XXYLT1: variants seen among roughly 807,000 people sequenced by gnomAD.
The protein encoded by XXYLT1 is xyloside xylosyltransferase 1, also known as UDP-xylose:alpha-xyloside alpha-1,3-xylosyltransferase.
In XXYLT1, 20 loss-of-function variants were observed where a neutral mutation model predicts 28.9. The observed-to-expected ratio is 0.69, with a 90% confidence interval of 0.49 to 1.00. The LOEUF is 1.00. Among genes scored for constraint, XXYLT1 ranks in the 50% least tolerant of loss-of-function variants. The pLI, the probability that XXYLT1 is intolerant of heterozygous loss-of-function variation, is 0.00. For synonymous variants in XXYLT1, 257 were observed against 253.8 expected, an observed-to-expected ratio of 1.01 and a Z score of -0.12; for missense variants, 542 against 560.1, an observed-to-expected ratio of 0.97 and a Z score of 0.33.
chr3:195,123,358 T>C (rs1718462457), intron 3 of XXYLT1, among the ~76,000 whole-genome samples: 1 of 152,128 alleles, frequency 6.6e-6, no homozygotes, highest in African/African-American at 2.4e-5. Context: ...CCCCCTCTCC[T>C]GGCCGGCTGA....
intron 3 of XXYLT1, among the ~76,000 whole-genome samples, chr3:195,141,095 G>A (rs1719465123): frequency 6.6e-6 from 1 of 152,162 alleles, no homozygotes; most frequent in African/African-American, 2.4e-5. Flanking sequence ...CCAGCACCTT[G>A]ATCTTGGACT....
At position 195,244,781 on chromosome 3, in the gene XXYLT1, A is replaced by AAC. The variant is rs1374378838; in HGVS notation, c.505-17926_505-17925insGT. ...TGTCTCAAAAAAAAAAAAAAAAAAA[A>AAC]AAACATGTTTCATTTAAAAATTTTT... On this transcript the variant is annotated intron_variant, in intron 1 of 3. Coordinates refer to ENST00000310380, the MANE Select transcript of XXYLT1 (RefSeq NM_152531.5). 2.7e-5 allele frequency among the ~76,000 whole-genome samples: 4 copies of AAC among 150,728 alleles called. No individual in the cohort carries two copies. The East Asian group carries it at 7.9e-4, about 30-fold the overall frequency.
intron 3 of XXYLT1, among the ~76,000 whole-genome samples, chr3:195,099,353 G>A (rs536099916): frequency 3.9e-5 from 6 of 152,296 alleles, no homozygotes; most frequent in African/African-American, 4.8e-5. Context: ...TGACCACAGA[G>A]AGACATATTT....
chr3:195,109,667 GGTGT>G (rs566040303), intron 3 of XXYLT1, among the ~76,000 whole-genome samples: 1 of 128,634 alleles, frequency 7.8e-6, no homozygotes, highest in Non-Finnish European at 1.7e-5. Context: ...GCGTGTGTGT[GGTGT>G]GTGTGTTGTA....
intron 3 of XXYLT1, among the ~76,000 whole-genome samples, chr3:195,097,282 C>G (rs774901143): frequency 6.6e-6 from 1 of 152,166 alleles, no homozygotes. Context: ...CTGTAGCTGA[C>G]ATTTACTAAA....
intron 1 of XXYLT1, among the ~76,000 whole-genome samples, chr3:195,239,331 C>T (rs1037460096): frequency 5.9e-5 from 9 of 152,056 alleles, no homozygotes; most frequent in African/African-American, 1.9e-4. Flanking sequence ...CCTGGCAGTG[C>T]GGCAGGGGGC....
At position 195,210,535 on chromosome 3, in the gene XXYLT1, A is replaced by T. The variant is rs1004858581; in HGVS notation, c.652+16174T>A. Among the ~76,000 whole-genome samples the T allele has an allele frequency of 5.3e-5, 8 of 152,188 alleles. No homozygotes were observed. The highest frequency in any genetic ancestry group is 1.9e-4 in the African/African-American group (8 of 41,432). On this transcript the variant is annotated intron_variant, in intron 2 of 3. Coordinates refer to ENST00000310380, the MANE Select transcript of XXYLT1 (RefSeq NM_152531.5). This position sits in a 1 kb window ranked among gnomAD's most constrained non-coding sequence, Gnocchi z 4.8. ...TTAAAAGAAGATCTTGACAAATTAA[A>T]AGACAGAATCTAATGAAGGGGACCA...
chr3:195,193,266 C>T (rs956383247), intron 2 of XXYLT1, among the ~76,000 whole-genome samples: 2 of 149,684 alleles, frequency 1.3e-5, no homozygotes, highest in African/African-American at 5.0e-5. Flanking sequence ...CCAGCCTGTG[C>T]CACAGAGCGA....
At chr3:195,184,780 A>G (rs1722104494) in intron 2 of XXYLT1, 1 of 985,428 alleles carries the variant, frequency 1.0e-6, no homozygotes, top group Non-Finnish European at 1.2e-6. Context: ...GCATTCTGAA[A>G]GAAGTGACTA....
chr3:195,244,710 C>G (rs1487742172), intron 1 of XXYLT1, among the ~76,000 whole-genome samples: 1 of 123,920 alleles, frequency 8.1e-6, no homozygotes, highest in Non-Finnish European at 1.6e-5. Flanking sequence ...TGCAGTGAGC[C>G]AAGATCACAC....
intron 3 of XXYLT1, among the ~76,000 whole-genome samples, chr3:195,120,480 G>A (rs1022249127): frequency 2.6e-5 from 4 of 152,170 alleles, no homozygotes; most frequent in Non-Finnish European, 4.4e-5. Context: ...ATTGCCGTGA[G>A]GATTCAGTGA....
At chr3:195,203,158 CA>C (rs151273166) in intron 2 of XXYLT1, among the ~76,000 whole-genome samples, 72 of 145,166 alleles carry the variant, frequency 5.0e-4, no homozygotes, top group African/African-American at 1.1e-3. Context: ...TAAAAGACTG[CA>C]AAAAAAAAAT....
At chr3:195,086,497 CAACA>C (rs998003497) in intron 3 of XXYLT1, among the ~76,000 whole-genome samples, 1 of 152,178 alleles carries the variant, frequency 6.6e-6, no homozygotes, top group African/African-American at 2.4e-5. Flanking sequence ...CAGTTGTATT[CAACA>C]AACACAGTGG....
At chr3:195,204,370 G>A (rs967368370) in intron 2 of XXYLT1, among the ~76,000 whole-genome samples, 9 of 151,738 alleles carry the variant, frequency 5.9e-5, no homozygotes, top group South Asian at 2.1e-4. Context: ...GAGAGAGAGA[G>A]AAAACTACCA....
intron 2 of XXYLT1, among the ~76,000 whole-genome samples, chr3:195,159,084 C>T (rs187238021): frequency 6.6e-5 from 10 of 152,144 alleles, no homozygotes; most frequent in African/African-American, 2.4e-4. Context: ...AATAAATGAA[C>T]GAGATAACTG....
At chr3:195,187,671 C>T (rs1349481918) in intron 2 of XXYLT1, among the ~76,000 whole-genome samples, 2 of 152,174 alleles carry the variant, frequency 1.3e-5, no homozygotes, top group African/African-American at 2.4e-5. Context: ...TTTGCATGCA[C>T]ATTGAGGTAG....
intron 3 of XXYLT1, among the ~76,000 whole-genome samples, chr3:195,140,051 C>A (rs553579509): frequency 6.6e-6 from 1 of 152,356 alleles, no homozygotes; most frequent in Non-Finnish European, 1.5e-5. Context: ...CATCCTTTTA[C>A]AGTCACAGGC....
intron 1 of XXYLT1, among the ~76,000 whole-genome samples, chr3:195,265,321 C>T (rs1476671370): frequency 6.6e-6 from 1 of 150,922 alleles, no homozygotes; most frequent in African/African-American, 2.4e-5. Flanking sequence ...GAGCCAAGAT[C>T]GCACCCTTGC....
At chr3:195,213,288 G>A (rs1343538762) in intron 2 of XXYLT1, among the ~76,000 whole-genome samples, 6 of 149,164 alleles carry the variant, frequency 4.0e-5, no homozygotes, top group Non-Finnish European at 7.4e-5. Context: ...TTTTGAGACG[G>A]AGCTTCGCTC....
Sources: gnomAD v4.1 joint callset for allele counts (sites outside exome capture counted in the v4.1 genomes callset) on GRCh38, gnomAD v4.1.1 for gene constraint, Gnocchi (gnomAD v3.1) non-coding constraint, MANE v1.5 for transcripts, NCBI Gene and HGNC (gene_info 2026-07-23, HGNC 2026-07-21) for gene names.